BANK1: variants seen among roughly 807,000 people sequenced by gnomAD.
BANK1 encodes the protein B-cell scaffold protein with ankyrin repeats.
A neutral mutation model predicts 94.5 loss-of-function variants in BANK1; 95 were observed. The ratio of observed to expected loss-of-function variants is 1.00; its 90% CI spans 0.85 to 1.19. The LOEUF (loss-of-function observed/expected upper bound fraction) is 1.19. Among genes scored for constraint, BANK1 ranks in the 50% most tolerant of loss-of-function variants. The probability of loss-of-function intolerance (pLI) is 0.00; values close to 1 mark genes in which losing one functional copy is unlikely to be tolerated. For synonymous variants in BANK1, 334 were observed against 308.4 expected (o/e 1.08, Z -0.87); for missense variants, 987 against 932.2 (o/e 1.06, Z -0.77).
intron 6 of BANK1, among the ~76,000 whole-genome samples, chr4:101,908,301 G>A (rs1722535914): frequency 6.6e-6 from 1 of 152,150 alleles, no homozygotes; most frequent in African/African-American, 2.4e-5. Context: ...AACAAGAAAT[G>A]GGGAAAGGAT....
intron 6 of BANK1, among the ~76,000 whole-genome samples, chr4:101,915,326 C>T (rs1414186531): frequency 6.6e-6 from 1 of 152,020 alleles, no homozygotes; most frequent in Non-Finnish European, 1.5e-5. Context: ...GCTCCAAAGT[C>T]CTAATGCTTA....
intron 7 of BANK1, among the ~76,000 whole-genome samples, chr4:101,997,495 G>A (rs1042824186): frequency 8.6e-5 from 13 of 151,998 alleles, no homozygotes; most frequent in Middle Eastern, 3.2e-3. Flanking sequence ...GAATAGTTTC[G>A]GAAGGAATGG....
chr4:102,064,549 A>G (rs979123843), intron 13 of BANK1, among the ~76,000 whole-genome samples: 1 of 152,222 alleles, frequency 6.6e-6, no homozygotes, highest in African/African-American at 2.4e-5. Context: ...AAGGACACAT[A>G]TTAAGTGAGA....
chr4:101,948,284 G>T (rs1473733880), intron 7 of BANK1, among the ~76,000 whole-genome samples: 1 of 152,054 alleles, frequency 6.6e-6, no homozygotes, highest in East Asian at 1.9e-4. Context: ...TTTGTACAGT[G>T]ATGCTATTGG....
At chr4:102,025,093 C>T in intron 8 of BANK1, 108 bp from the exon 9 acceptor site, 1 of 1,183,426 alleles carries the variant, frequency 8.5e-7, no homozygotes, top group African/African-American at 1.5e-5. Context: ...TATATCAGGT[C>T]ATAAAAGTTT....
intron 7 of BANK1, among the ~76,000 whole-genome samples, chr4:101,927,387 G>C (rs1242568448): frequency 1.3e-5 from 2 of 151,610 alleles, no homozygotes; most frequent in Non-Finnish European, 3.0e-5. Context: ...TACAATTCAA[G>C]ATGAGATTTG....
At chr4:102,010,957 A>G (rs1726494290) in intron 7 of BANK1, among the ~76,000 whole-genome samples, 1 of 152,232 alleles carries the variant, frequency 6.6e-6, no homozygotes, top group African/African-American at 2.4e-5. Context: ...CAGTGTTTCA[A>G]TATTATGTTT....
At chr4:101,861,490 A>T (rs1203043420) in intron 3 of BANK1, among the ~76,000 whole-genome samples, 1 of 152,200 alleles carries the variant, frequency 6.6e-6, no homozygotes, top group Non-Finnish European at 1.5e-5. Flanking sequence ...ATCTAAGATA[A>T]TCATAAAAAG....
chr4:101,875,667 A>G (rs1461133703), intron 5 of BANK1, among the ~76,000 whole-genome samples: 1 of 152,206 alleles, frequency 6.6e-6, no homozygotes, highest in African/African-American at 2.4e-5. Context: ...GGGTGGGGAC[A>G]CAGAGCTAAA....
At chr4:101,899,273 A>G (rs1379818346) in intron 6 of BANK1, among the ~76,000 whole-genome samples, 2 of 152,156 alleles carry the variant, frequency 1.3e-5, no homozygotes, top group Admixed American at 1.3e-4. Flanking sequence ...CATTAAGTAA[A>G]CACACTAAAT....
At chr4:101,828,684 AC>A (rs1005806352) in intron 1 of BANK1, among the ~76,000 whole-genome samples, 11 of 152,122 alleles carry the variant, frequency 7.2e-5, no homozygotes, top group African/African-American at 2.4e-4. Context: ...GTATGAATAT[AC>A]TGTGAAAATT....
chr4:101,814,185 G>T (rs563099923), intron 1 of BANK1, among the ~76,000 whole-genome samples: 2 of 152,262 alleles, frequency 1.3e-5, no homozygotes, highest in South Asian at 4.1e-4. Flanking sequence ...AGTTAGTTAG[G>T]AGTGTATTTA....
chr4:102,067,545 TAGAG>T (rs1389948220), intron 13 of BANK1, among the ~76,000 whole-genome samples: 2 of 152,030 alleles, frequency 1.3e-5, no homozygotes, highest in East Asian at 1.9e-4. Context: ...AATTTCAAAA[TAGAG>T]AGTATTACAA....
intron 1 of BANK1, among the ~76,000 whole-genome samples, chr4:101,803,859 G>T (rs914184992): frequency 6.7e-6 from 1 of 149,448 alleles, no homozygotes; most frequent in Non-Finnish European, 1.5e-5. Context: ...TTAGCCGGGC[G>T]TAGTGGCGGG....
rs115260139 is a variant in BANK1 at position 102,036,728 on chromosome 4, C to T, written c.1900+6463C>T. ...AAGAGAAGCAAGTCAGCTCGTGTAACCCAGGTGTTCTTGTTTGCTCTTTCT... is the reference window on the plus strand; with the variant it reads ...AAGAGAAGCAAGTCAGCTCGTGTAATCCAGGTGTTCTTGTTTGCTCTTTCT... On this transcript the variant is annotated intron_variant, in intron 10 of 16. Transcript: ENST00000322953. 7.4e-3 allele frequency: 1,132 copies of T among 152,276 alleles called. 5 individuals carry two copies. The highest frequency in any genetic ancestry group is 0.014 in the Middle Eastern group (4 of 294). The allele number at this position is 152,276 out of a possible 1,614,324, so 9.4% of individuals were successfully genotyped here.
At chr4:101,839,181 A>G (rs1383843871) in intron 2 of BANK1, among the ~76,000 whole-genome samples, 1 of 152,194 alleles carries the variant, frequency 6.6e-6, no homozygotes, top group Admixed American at 6.5e-5. Context: ...GTGATTTCAA[A>G]TTACTTTTAC....
At chr4:102,036,069 A>G (rs763907824) in intron 10 of BANK1, among the ~76,000 whole-genome samples, 3 of 152,202 alleles carry the variant, frequency 2.0e-5, no homozygotes, top group African/African-American at 4.8e-5. Flanking sequence ...GCAATTTTCT[A>G]TTTTCCTCAC....
At chr4:102,015,188 T>A (rs933283604) in intron 7 of BANK1, among the ~76,000 whole-genome samples, 1 of 152,124 alleles carries the variant, frequency 6.6e-6, no homozygotes, top group African/African-American at 2.4e-5. Context: ...AAATTTTTTT[T>A]AATTTTTATA....
intron 1 of BANK1, among the ~76,000 whole-genome samples, chr4:101,810,778 G>T (rs964420827): frequency 6.6e-6 from 1 of 152,044 alleles, no homozygotes. Context: ...AGTGCCAAAG[G>T]GGATACAAAG....
Sources: gnomAD v4.1 joint callset for allele counts (sites outside exome capture counted in the v4.1 genomes callset) on GRCh38, gnomAD v4.1.1 for gene constraint, MANE v1.5 for transcripts, NCBI Gene and HGNC (gene_info 2026-07-23, HGNC 2026-07-21) for gene names.